KCNH7: variants seen among roughly 807,000 people sequenced by gnomAD.
KCNH7 encodes potassium voltage-gated channel subfamily H member 7.
KCNH7 carries 49 observed loss-of-function variants against 120.8 expected under a neutral mutation model. That is an observed-to-expected ratio of 0.41 (90% CI 0.32 to 0.51). KCNH7 has a LOEUF of 0.51. Ranked by LOEUF, KCNH7 falls within the 20% of genes least tolerant of loss-of-function variation. KCNH7 has a pLI of 0.38. For synonymous variants in KCNH7, 547 were observed against 516.1 expected (o/e 1.06, Z -0.81); for missense variants, 1,097 against 1,446.6 (o/e 0.76, Z 3.92).
At chr2:162,640,199 G>T (rs2105235106) in intron 2 of KCNH7, among the ~76,000 whole-genome samples, 1 of 152,204 alleles carries the variant, frequency 6.6e-6, no homozygotes, top group African/African-American at 2.4e-5. Context: ...AGACAATATT[G>T]CATGAATTTT....
At chr2:162,771,728 T>G (rs539561653) in intron 2 of KCNH7, among the ~76,000 whole-genome samples, 1 of 152,260 alleles carries the variant, frequency 6.6e-6, no homozygotes, top group South Asian at 2.1e-4. Context: ...AAAGTTGGAT[T>G]TTTTTCCTAG....
At chr2:162,642,697 G>C (rs1040163074) in intron 2 of KCNH7, among the ~76,000 whole-genome samples, 4 of 152,170 alleles carry the variant, frequency 2.6e-5, no homozygotes, top group Non-Finnish European at 4.4e-5. Context: ...AGAAACACCT[G>C]TACATATCTG....
At chr2:162,437,532 C>T (rs558156708) in intron 7 of KCNH7, among the ~76,000 whole-genome samples, 22 of 152,168 alleles carry the variant, frequency 1.4e-4, no homozygotes, top group East Asian at 3.9e-4. Context: ...TTATGTGCTA[C>T]GACTTTGGAA....
chr2:162,457,039 T>A (rs1044167447), intron 6 of KCNH7, among the ~76,000 whole-genome samples: 2 of 152,126 alleles, frequency 1.3e-5, no homozygotes, highest in African/African-American at 4.8e-5. Flanking sequence ...TAAATGCAAA[T>A]GTATTTTTAT....
intron 2 of KCNH7, chr2:162,784,891 T>C (rs889482287): frequency 2.0e-5 from 3 of 152,246 alleles, no homozygotes; most frequent in African/African-American, 7.2e-5. Flanking sequence ...AATTATCCCA[T>C]ACTAGCCACA....
chr2:162,441,862 G>A (rs1187558113), intron 7 of KCNH7, among the ~76,000 whole-genome samples: 2 of 151,886 alleles, frequency 1.3e-5, no homozygotes, highest in African/African-American at 4.8e-5. Context: ...TCATCAGGGA[G>A]ATATTAATGA....
intron 6 of KCNH7, among the ~76,000 whole-genome samples, chr2:162,472,007 A>C (rs1689555812): frequency 6.6e-6 from 1 of 152,218 alleles, no homozygotes; most frequent in African/African-American, 2.4e-5. Context: ...CTATTTAATA[A>C]ATGGTGCTGG....
chr2:162,726,872 T>C, intron 2 of KCNH7, among the ~76,000 whole-genome samples: 1 of 152,188 alleles, frequency 6.6e-6, no homozygotes, highest in African/African-American at 2.4e-5. Flanking sequence ...TTTGCCACCC[T>C]AGACCTGAGT....
chr2:162,517,347 T>G (rs1338526342), intron 4 of KCNH7, among the ~76,000 whole-genome samples: 3 of 151,850 alleles, frequency 2.0e-5, no homozygotes, highest in African/African-American at 4.8e-5. Flanking sequence ...ACTAGCCCTC[T>G]GATGGCACAA....
At chr2:162,372,952 G>T (rs1327569706) in intron 15 of KCNH7, among the ~76,000 whole-genome samples, 1 of 152,054 alleles carries the variant, frequency 6.6e-6, no homozygotes, top group African/African-American at 2.4e-5. Context: ...TCTGGTGATG[G>T]GTGGGGTACA....
At chr2:162,620,289 A>G (rs1325795257) in intron 2 of KCNH7, among the ~76,000 whole-genome samples, 1 of 151,574 alleles carries the variant, frequency 6.6e-6, no homozygotes, top group Non-Finnish European at 1.5e-5. Context: ...ATAAAATTCT[A>G]TAGTTAAGGT....
chr2:162,549,026 A>T (rs1379549478), intron 2 of KCNH7, among the ~76,000 whole-genome samples: 1 of 152,174 alleles, frequency 6.6e-6, no homozygotes, highest in Admixed American at 6.5e-5. Context: ...CCTTTTGAAC[A>T]TCTGACTGTC....
At chr2:162,759,955 G>T (rs1425948746) in intron 2 of KCNH7, among the ~76,000 whole-genome samples, 2 of 151,782 alleles carry the variant, frequency 1.3e-5, no homozygotes, top group Non-Finnish European at 2.9e-5. Flanking sequence ...AAGTCCTGAA[G>T]AATATGTAAT....
intron 2 of KCNH7, among the ~76,000 whole-genome samples, chr2:162,597,327 T>C (rs1574149716): frequency 6.6e-6 from 1 of 152,052 alleles, no homozygotes; most frequent in South Asian, 2.1e-4. Context: ...AAAAACGTGG[T>C]ATATACACAC....
chr2:162,768,788 C>CA (rs34211790), intron 2 of KCNH7: 41,394 of 151,904 alleles, frequency 0.27, 6,396 homozygotes, highest in African/African-American at 0.43. Flanking sequence ...GTCGAATCGC[C>CA]AAGTATCATT....
chr2:162,763,744 TG>T (rs1480053385), intron 2 of KCNH7, among the ~76,000 whole-genome samples: 2 of 150,642 alleles, frequency 1.3e-5, no homozygotes, highest in Non-Finnish European at 3.0e-5. Context: ...TGTGTGTGTG[TG>T]TGTGTGTGTG....
rs570235438 is a variant in KCNH7 at position 162,726,456 on chromosome 2, GTC to G, written c.307+110079_307+110080del. Among the ~76,000 whole-genome samples the G allele has an allele frequency of 8.0e-4, 122 of 152,212 alleles. 1 individual carries two copies. Among genetic ancestry groups the G allele is most frequent in the Middle Eastern group, 3.4e-3 (1 of 294 alleles). On this transcript the variant is annotated intron_variant, in intron 2 of 15. Transcript: ENST00000332142. ...TATTTTTGAGATGGAGTCTTGCCCT[GTC>G]TCCCAGACTGAAGTGCAGTGGCGCC...
At chr2:162,506,251 A>G (rs1370332192) in intron 5 of KCNH7, among the ~76,000 whole-genome samples, 1 of 151,832 alleles carries the variant, frequency 6.6e-6, no homozygotes. Context: ...ATAAGAGCCA[A>G]TAGTGGCAAC....
intron 2 of KCNH7, among the ~76,000 whole-genome samples, chr2:162,747,858 T>C (rs1216806216): frequency 6.6e-6 from 1 of 152,198 alleles, no homozygotes; most frequent in Non-Finnish European, 1.5e-5. Flanking sequence ...CTTAAAGTAC[T>C]TTCTACAGTG....
Sources: gnomAD v4.1 joint callset for allele counts (sites outside exome capture counted in the v4.1 genomes callset) on GRCh38, gnomAD v4.1.1 for gene constraint, MANE v1.5 for transcripts, NCBI Gene and HGNC (gene_info 2026-07-23, HGNC 2026-07-21) for gene names.